Variants in ADGRL3 observed in about 807,000 individuals in gnomAD.
ADGRL3 encodes adhesion G protein-coupled receptor L3.
A neutral mutation model predicts 153.5 loss-of-function variants in ADGRL3; 62 were observed. The observed-to-expected ratio is 0.40, with a 90% CI of 0.33 to 0.50. The LOEUF is 0.50. Ranked by LOEUF, ADGRL3 falls within the 20% of genes least tolerant of loss-of-function variation. ADGRL3 has a pLI of 0.47. For synonymous variants in ADGRL3, 710 were observed against 672.5 expected (o/e 1.06, Z -0.86); for missense variants, 1,641 against 1,859.4 (o/e 0.88, Z 2.16).
In ADGRL3 at chr4:61,769,593, ATG is replaced by A. The variant is rs1261819803; in HGVS notation, c.1399+36040_1399+36041del. On this transcript the variant is annotated intron_variant, in intron 8 of 26. Transcript: ENST00000683033. ...ACCAAACAGGCTTTGTGTGAGCAAC[ATG>A]GCTGTTGCTCACTTCACCTGGGTGC... Among the ~76,000 whole-genome samples, 7 of 152,204 alleles carry A rather than the reference ATG, an allele frequency of 4.6e-5. No homozygotes were observed. The South Asian group carries it at 1.4e-3, about 32-fold the overall frequency.
chr4:61,789,277 CTGTGTG>C (rs147159756), intron 8 of ADGRL3, among the ~76,000 whole-genome samples: 4 of 149,092 alleles, frequency 2.7e-5, no homozygotes, highest in Non-Finnish European at 3.0e-5. Flanking sequence ...CTCTCTGTCT[CTGTGTG>C]TGTGTGTGTG....
chr4:61,380,454 G>GT (rs1057326967), intron 1 of ADGRL3, among the ~76,000 whole-genome samples: 4 of 151,856 alleles, frequency 2.6e-5, no homozygotes, highest in African/African-American at 4.8e-5. Flanking sequence ...ATGTATTCCA[G>GT]TTTTTTTGTA....
chr4:62,043,386 G>A (rs761775237), intron 24 of ADGRL3, among the ~76,000 whole-genome samples: 15 of 151,794 alleles, frequency 9.9e-5, no homozygotes, highest in South Asian at 2.1e-4. Context: ...TTGTCCTTTC[G>A]TTTATTAGTT....
rs535132364 is a variant in ADGRL3 at position 61,778,174 on chromosome 4, T to C, written c.1400-35635T>C. Among the ~76,000 whole-genome samples the C allele has an allele frequency of 2.6e-5, 4 of 152,322 alleles. No individual in the cohort carries two copies. The East Asian group carries it at 7.7e-4, about 29-fold the overall frequency. On this transcript the variant is annotated intron_variant, in intron 8 of 26. Coordinates refer to ENST00000683033, the MANE Select transcript of ADGRL3 (RefSeq NM_001387552.1). ...TTACCTTCAGGCTGTGTGTATAAGATACTGATGAAACATAAATGAATTCCA... is the reference window on the plus strand; with the variant it reads ...TTACCTTCAGGCTGTGTGTATAAGACACTGATGAAACATAAATGAATTCCA...
intron 1 of ADGRL3, among the ~76,000 whole-genome samples, chr4:61,334,675 T>G (rs796827226): frequency 1.3e-5 from 2 of 152,176 alleles, no homozygotes; most frequent in Non-Finnish European, 2.9e-5. Context: ...TGGGTTTTAC[T>G]ATGTTAATTG....
At chr4:61,968,150 A>G (rs1035065052) in intron 17 of ADGRL3, among the ~76,000 whole-genome samples, 23 of 152,208 alleles carry the variant, frequency 1.5e-4, no homozygotes, top group Non-Finnish European at 2.6e-4. Context: ...TTTGGGGGTC[A>G]TATTCAAACC....
chr4:61,608,294 G>A (rs1225237694), intron 5 of ADGRL3, among the ~76,000 whole-genome samples: 2 of 152,156 alleles, frequency 1.3e-5, no homozygotes, highest in Non-Finnish European at 2.9e-5. Flanking sequence ...ATCTAACAAT[G>A]CTGTTAGTTC....
chr4:61,362,746 A>G (rs953324928), intron 1 of ADGRL3, among the ~76,000 whole-genome samples: 6 of 152,160 alleles, frequency 3.9e-5, no homozygotes, highest in African/African-American at 1.4e-4. Flanking sequence ...TGACAGGCAG[A>G]AGAAAATCCC....
intron 1 of ADGRL3, among the ~76,000 whole-genome samples, chr4:61,357,487 T>C (rs919189297): frequency 6.6e-6 from 1 of 152,140 alleles, no homozygotes; most frequent in African/African-American, 2.4e-5. Context: ...AACTATTTAA[T>C]GTATATCAGT....
At chr4:61,741,992 T>A (rs1011677865) in intron 8 of ADGRL3, among the ~76,000 whole-genome samples, 12 of 152,234 alleles carry the variant, frequency 7.9e-5, no homozygotes, top group Admixed American at 7.8e-4. Flanking sequence ...CTGTCCTTTC[T>A]GTAGCCATTT....
Position 61,220,043 on chromosome 4 carries a change from G to A in ADGRL3, c.-240+18278G>A, listed in dbSNP as rs138287596. The stretch of plus-strand genomic sequence containing the variant: ...GAATCGCTTGAACCTGGGGGGCGGA[G>A]GTTGCATTGAGCTGAGATTGCGTGC... On this transcript the variant is annotated intron_variant, in intron 1 of 26. Transcript: ENST00000683033. Among the ~76,000 whole-genome samples the A allele has an allele frequency of 1.7e-3, 256 of 151,696 alleles. 1 individual carries two copies. The highest frequency in any genetic ancestry group is 5.7e-3 in the African/African-American group (235 of 41,328).
chr4:61,812,602 C>T (rs1343413114), intron 8 of ADGRL3, among the ~76,000 whole-genome samples: 1 of 152,182 alleles, frequency 6.6e-6, no homozygotes, highest in African/African-American at 2.4e-5. Context: ...CCACTCAAAC[C>T]TTCTGTATAT....
chr4:61,209,009 A>C (rs1738603668), intron 1 of ADGRL3, among the ~76,000 whole-genome samples: 1 of 152,152 alleles, frequency 6.6e-6, no homozygotes, highest in South Asian at 2.1e-4. Flanking sequence ...ACTGTGTAAT[A>C]CTTTTAAATG....
At chr4:61,814,829 T>A (rs2097670298) in intron 9 of ADGRL3, among the ~76,000 whole-genome samples, 1 of 152,136 alleles carries the variant, frequency 6.6e-6, no homozygotes. Flanking sequence ...AGGGTGGACC[T>A]ATGTGCACGT....
intron 19 of ADGRL3, among the ~76,000 whole-genome samples, chr4:61,995,416 T>C (rs936011205): frequency 6.6e-6 from 1 of 152,192 alleles, no homozygotes; most frequent in South Asian, 2.1e-4. Context: ...ATTTGAGTAC[T>C]TAGGATTTCC....
chr4:62,011,649 C>T lies in ADGRL3; in HGVS notation c.3395+13384C>T, dbSNP rs562055256. 2.0e-5 allele frequency among the ~76,000 whole-genome samples: 3 copies of T among 152,154 alleles called. No individual in the cohort carries two copies. In the East Asian group the frequency reaches 5.8e-4, roughly 29 times the overall value. On this transcript the variant is annotated intron_variant, in intron 21 of 26. Transcript: ENST00000683033. ...GGCATCATATTTTAGCGTAGTATGT[C>T]TGGATCTGTATCAAATAAATCTCTT...
intron 6 of ADGRL3, among the ~76,000 whole-genome samples, chr4:61,683,632 G>A (rs775642171): frequency 2.6e-5 from 4 of 152,104 alleles, no homozygotes; most frequent in Non-Finnish European, 4.4e-5. Context: ...AATTAGAAAA[G>A]GGTAGCTATA....
At chr4:61,973,365 C>T (rs1189028415) in intron 17 of ADGRL3, among the ~76,000 whole-genome samples, 1 of 152,002 alleles carries the variant, frequency 6.6e-6, no homozygotes, top group African/African-American at 2.4e-5. Flanking sequence ...CCTCCCATCA[C>T]TCCACTTTCG....
At chr4:61,459,367 T>G (rs1024044471) in intron 2 of ADGRL3, among the ~76,000 whole-genome samples, 1 of 151,898 alleles carries the variant, frequency 6.6e-6, no homozygotes, top group African/African-American at 2.4e-5. Flanking sequence ...AAAAATGCTA[T>G]GGAGGAAAAT....
Sources: allele counts gnomAD v4.1 joint callset (sites outside exome capture counted in the v4.1 genomes callset), GRCh38; gene constraint gnomAD v4.1.1; transcripts MANE v1.5; gene names NCBI Gene and HGNC (gene_info 2026-07-23, HGNC 2026-07-21).